The following AGMO variants were observed in gnomAD, a reference collection of about 807,000 sequenced individuals.
AGMO encodes the protein glyceryl-ether monooxygenase.
Under a neutral mutation model 60.2 loss-of-function variants are expected in AGMO, and 75 were observed. The ratio of observed to expected loss-of-function variants is 1.25; its 90% CI spans 1.03 to 1.51. The LOEUF (loss-of-function observed/expected upper bound fraction) is 1.51, where lower values mean the gene tolerates loss of function less well. AGMO is among the 40% of genes most tolerant of loss of function. The pLI is 0.00. For missense variants in AGMO, 763 were observed against 525.5 expected (o/e 1.45, Z -4.42); for synonymous variants, 261 against 177.1 (o/e 1.47, Z -3.76).
intron 3 of AGMO, among the ~76,000 whole-genome samples, chr7:15,471,709 T>A (rs1014860459): frequency 2.0e-5 from 3 of 151,908 alleles, no homozygotes; most frequent in African/African-American, 7.2e-5. Flanking sequence ...CAGCCAAAAC[T>A]GTCAGTACTA....
At chr7:15,235,757 A>G (rs1455864457) in intron 12 of AGMO, among the ~76,000 whole-genome samples, 3 of 152,158 alleles carry the variant, frequency 2.0e-5, no homozygotes, top group African/African-American at 4.8e-5. Context: ...CTTTTTCTCA[A>G]TTTAACTCTC....
At chr7:15,411,171 G>A (rs879826188) in intron 5 of AGMO, among the ~76,000 whole-genome samples, 1 of 151,928 alleles carries the variant, frequency 6.6e-6, no homozygotes, top group Non-Finnish European at 1.5e-5. Context: ...CCTCTGCCAT[G>A]TTATATCTCA....
At chr7:15,467,589 T>G (rs1782328410) in intron 3 of AGMO, among the ~76,000 whole-genome samples, 1 of 152,156 alleles carries the variant, frequency 6.6e-6, no homozygotes, top group African/African-American at 2.4e-5. Flanking sequence ...AATAGCAGGA[T>G]TCCTGAAAAT....
At chr7:15,124,745 T>G in the AGMO span, among the ~76,000 whole-genome samples, 1 of 152,046 alleles carries the variant, frequency 6.6e-6, no homozygotes, top group Non-Finnish European at 1.5e-5. Flanking sequence ...AGGGATAATA[T>G]CAATTAACCA....
chr7:15,364,711 A>C (rs1384369999), intron 12 of AGMO, among the ~76,000 whole-genome samples: 2 of 152,074 alleles, frequency 1.3e-5, no homozygotes, highest in African/African-American at 2.4e-5. Flanking sequence ...CCTCCAAAGG[A>C]GTTGTTTCAA....
chr7:15,173,536 A>G, the AGMO span, among the ~76,000 whole-genome samples: 1 of 152,138 alleles, frequency 6.6e-6, no homozygotes, highest in Non-Finnish European at 1.5e-5. Flanking sequence ...CATGAGATTC[A>G]GAATGAAACT....
intron 12 of AGMO, among the ~76,000 whole-genome samples, chr7:15,329,357 T>C (rs529593742): frequency 2.0e-5 from 3 of 152,268 alleles, no homozygotes; most frequent in East Asian, 1.9e-4. Context: ...TCCAGGCACA[T>C]AGGTGATGAG....
intron 12 of AGMO, among the ~76,000 whole-genome samples, chr7:15,310,378 A>G (rs1780735300): frequency 6.6e-6 from 1 of 152,144 alleles, no homozygotes; most frequent in African/African-American, 2.4e-5. Context: ...TTCAGTTTCT[A>G]TCCTTTGCCA....
chr7:15,270,596 ATTTTTTTTTTTTTTTTTTTTTTTTTTTT>A (rs527463907), intron 12 of AGMO, among the ~76,000 whole-genome samples: 17 of 48,070 alleles, frequency 3.5e-4, no homozygotes, highest in Admixed American at 1.3e-3. Context: ...TCTGTTGATA[ATTTTTTTTTTTTTTTTTTTTTTTTTTTT>A]TTTTTTTTTT....
the AGMO span, among the ~76,000 whole-genome samples, chr7:15,130,549 T>C: frequency 2.6e-5 from 4 of 152,064 alleles, no homozygotes; most frequent in African/African-American, 7.2e-5. Context: ...CTAATTGCTA[T>C]AAAATGTGGC....
intron 12 of AGMO, among the ~76,000 whole-genome samples, chr7:15,275,350 A>G (rs1045400012): frequency 1.2e-4 from 18 of 152,166 alleles, no homozygotes; most frequent in South Asian, 2.1e-4. Flanking sequence ...TGTAGTTTTA[A>G]GAGTTCATAC....
intron 12 of AGMO, among the ~76,000 whole-genome samples, chr7:15,300,285 C>T (rs1056550407): frequency 1.3e-5 from 2 of 148,430 alleles, no homozygotes; most frequent in African/African-American, 5.1e-5. Context: ...TACTAAAGTT[C>T]ACAATAGCAA....
At chr7:15,169,481 G>GA in the AGMO span, among the ~76,000 whole-genome samples, 11 of 151,672 alleles carry the variant, frequency 7.3e-5, no homozygotes, top group African/African-American at 2.7e-4. Context: ...GTCACCCCCA[G>GA]AGTATATTGC....
intron 12 of AGMO, among the ~76,000 whole-genome samples, chr7:15,325,384 T>C (rs1781305313): frequency 1.3e-5 from 2 of 152,268 alleles, no homozygotes; most frequent in South Asian, 2.1e-4. Flanking sequence ...CATAATATTA[T>C]CTGCAATTAT....
chr7:15,233,964 T>C (rs1174753835), intron 12 of AGMO, among the ~76,000 whole-genome samples: 2 of 152,134 alleles, frequency 1.3e-5, no homozygotes, highest in Non-Finnish European at 2.9e-5. Flanking sequence ...GGAGAATCAC[T>C]TGAACCTCGG....
intron 3 of AGMO, among the ~76,000 whole-genome samples, chr7:15,518,143 G>A (rs759829146): frequency 2.0e-5 from 3 of 152,002 alleles, no homozygotes; most frequent in Admixed American, 6.5e-5. Flanking sequence ...GGGCATCTCC[G>A]AAAGAAAGGA....
chr7:15,490,953 G>A (rs984703492), intron 3 of AGMO, among the ~76,000 whole-genome samples: 3 of 152,162 alleles, frequency 2.0e-5, no homozygotes, highest in African/African-American at 4.8e-5. Context: ...TTTAGCTCAA[G>A]CATGAATATT....
intron 12 of AGMO, among the ~76,000 whole-genome samples, chr7:15,303,388 T>C (rs1276676051): frequency 1.3e-5 from 2 of 151,630 alleles, no homozygotes; most frequent in Admixed American, 6.6e-5. Flanking sequence ...GCAAGATGAA[T>C]GTCTAATTGT....
chr7:15,288,670 T>C (rs1784169043), intron 12 of AGMO, among the ~76,000 whole-genome samples: 1 of 151,682 alleles, frequency 6.6e-6, no homozygotes, highest in African/African-American at 2.4e-5. Flanking sequence ...CTGATGCAAA[T>C]TTTTTCAGTT....
Sources: gnomAD v4.1 joint callset for allele counts (sites outside exome capture counted in the v4.1 genomes callset) on GRCh38, gnomAD v4.1.1 for gene constraint, MANE v1.5 for transcripts, NCBI Gene and HGNC (gene_info 2026-07-23, HGNC 2026-07-21) for gene names.